PCDHGA8: variants seen among roughly 807,000 people sequenced by gnomAD.
PCDHGA8 encodes protocadherin gamma subfamily A, 8.
In PCDHGA8, 45 loss-of-function variants were observed where a neutral mutation model predicts 59.2. The ratio of observed to expected loss-of-function variants is 0.76; its 90% CI spans 0.60 to 0.98. The LOEUF (loss-of-function observed/expected upper bound fraction) is 0.98, where lower values mean the gene tolerates loss of function less well. PCDHGA8 is among the 50% of genes least tolerant of loss of function. PCDHGA8 has a pLI of 0.00. For missense variants in PCDHGA8, 1,257 were observed against 1,196.2 expected, an observed-to-expected ratio of 1.05 and a Z score of -0.75; for synonymous variants, 531 against 519.0, an observed-to-expected ratio of 1.02 and a Z score of -0.32.
At chr5:141,466,146 T>C (rs977109086) in intron 1 of PCDHGA8, among the ~76,000 whole-genome samples, 5 of 151,880 alleles carry the variant, frequency 3.3e-5, no homozygotes, top group Non-Finnish European at 7.4e-5. Context: ...GTGAAAACTC[T>C]GGTCTTAAAC....
rs552812176 is a variant in PCDHGA8, at chr5:141,497,407, A to G, written c.2483+2542A>G. Among the ~76,000 whole-genome samples, 43 of 152,204 alleles carry G rather than the reference A, an allele frequency of 2.8e-4. No individual in the cohort carries two copies. In the Middle Eastern group the frequency reaches 0.01, roughly 36 times the overall value. The stretch of plus-strand genomic sequence containing the variant: ...GCACCTTACCCCTGCCTCAACTCCC[A>G]TTCCATCAAATGAGAGGCTTAGTGG... On this transcript the variant is annotated intron_variant, in intron 2 of 3. Coordinates refer to ENST00000398604, the MANE Select transcript of PCDHGA8 (RefSeq NM_032088.2).
Position 141,394,457 on chromosome 5 carries a change from G to A in PCDHGA8, c.1644G>A (p.Leu548=), listed in dbSNP as rs375756271. 4 of 1,614,096 alleles carry A rather than the reference G, an allele frequency of 2.5e-6. No homozygotes were observed. The African/African-American group carries it at 4.0e-5, about 16-fold the overall frequency. Residue 548 remains leucine (L), a synonymous_variant, in exon 1 of 4, where the codon CTG becomes CTA. Transcript: ENST00000398604. ...GDPPLSSNMS[L]SLFVLDQNDN... Reference sequence around the variant, plus strand: ...CGCCCCTCAGCAGCAACATGTCACTGAGCCTGTTCGTGCTGGACCAGAATG... The same window carrying A: ...CGCCCCTCAGCAGCAACATGTCACTAAGCCTGTTCGTGCTGGACCAGAATG...
intron 1 of PCDHGA8, among the ~76,000 whole-genome samples, chr5:141,458,065 G>A (rs55848374): frequency 0.098 from 14,910 of 152,232 alleles, 965 homozygotes; most frequent in Non-Finnish European, 0.14. Flanking sequence ...GCACTGATGC[G>A]AACAACTATA....
At chr5:141,404,354 G>C in intron 1 of PCDHGA8, 1 of 1,613,916 alleles carries the variant, frequency 6.2e-7, no homozygotes. Context: ...CAACGCCAGA[G>C]GTACTTCCAT....
chr5:141,403,080 A>G, intron 1 of PCDHGA8: 2 of 1,614,078 alleles, frequency 1.2e-6, no homozygotes, highest in Non-Finnish European at 1.7e-6. Flanking sequence ...GAAAAGGGCT[A>G]TATTGTGGGC....
chr5:141,426,488 T>G, intron 1 of PCDHGA8: 1 of 328,024 alleles, frequency 3.0e-6, no homozygotes, highest in Non-Finnish European at 6.1e-6. Context: ...AACCTTAGAG[T>G]TAGTGCAGAG....
At chr5:141,408,410 G>C (rs1329403051) in intron 1 of PCDHGA8, 1 of 1,613,932 alleles carries the variant, frequency 6.2e-7, no homozygotes, top group African/African-American at 1.3e-5. Flanking sequence ...GCGAGTGAGC[G>C]CGGAGAAGCT....
chr5:141,404,875 C>T, intron 1 of PCDHGA8: 1 of 1,613,904 alleles, frequency 6.2e-7, no homozygotes, highest in Non-Finnish European at 8.5e-7. Flanking sequence ...TCAAACAGAG[C>T]CTTGTGGTGG....
At chr5:141,474,881 C>A (rs2099356099) in intron 1 of PCDHGA8, among the ~76,000 whole-genome samples, 1 of 152,244 alleles carries the variant, frequency 6.6e-6, no homozygotes, top group South Asian at 2.1e-4. Context: ...AGCAGGAACT[C>A]TTAGAGGTTC....
intron 2 of PCDHGA8, among the ~76,000 whole-genome samples, chr5:141,495,678 C>T (rs1340336428): frequency 6.6e-6 from 1 of 152,180 alleles, no homozygotes; most frequent in African/African-American, 2.4e-5. Context: ...CTGTGCCTGC[C>T]ATGGCATAAG....
intron 1 of PCDHGA8, chr5:141,479,417 T>A (rs2099495481): frequency 6.6e-6 from 1 of 152,210 alleles, no homozygotes; most frequent in Non-Finnish European, 1.5e-5. Context: ...ACTATGCTGA[T>A]CAATTGATCA....
At chr5:141,478,567 C>A in intron 1 of PCDHGA8, 1 of 1,593,812 alleles carries the variant, frequency 6.3e-7, no homozygotes, top group Non-Finnish European at 8.6e-7. Flanking sequence ...GCAAGTCATG[C>A]TTGACCCTGT....
chr5:141,409,295 G>A, intron 1 of PCDHGA8: 1 of 1,613,992 alleles, frequency 6.2e-7, no homozygotes, highest in Non-Finnish European at 8.5e-7. Context: ...TCCAGGAATG[G>A]TTGTTGCCCT....
At chr5:141,409,792 C>T in intron 1 of PCDHGA8, 1 of 1,612,068 alleles carries the variant, frequency 6.2e-7, no homozygotes, top group African/African-American at 1.3e-5. Flanking sequence ...CCTTCGCGCT[C>T]ACGCTGCAGG....
At chr5:141,413,650 C>T (rs1384444202) in intron 1 of PCDHGA8, 2 of 1,613,714 alleles carry the variant, frequency 1.2e-6, no homozygotes, top group Non-Finnish European at 1.7e-6. Flanking sequence ...TTTTCCTCTC[C>T]CGGAAGCTAT....
chr5:141,423,149 A>G (rs763488632), intron 1 of PCDHGA8: 2 of 1,613,554 alleles, frequency 1.2e-6, no homozygotes, highest in Non-Finnish European at 8.5e-7. Context: ...GCGCTCAAGC[A>G]GAGCCTCGTG....
rs2092571814 is a variant in PCDHGA8 at position 141,392,654 on chromosome 5, A to G, written c.-160A>G. The G allele has an allele frequency of 1.4e-6, 1 of 734,690 alleles. No homozygotes were observed. The highest frequency in any genetic ancestry group is 3.4e-5 in the Admixed American group (1 of 29,652). The allele number at this position is 734,690 out of a possible 1,614,324, so 45.5% of individuals were successfully genotyped here. On this transcript the variant is annotated 5_prime_UTR_variant, in exon 1 of 4. It removes an upstream start codon present in the reference 5' UTR. Coordinates refer to ENST00000398604, the MANE Select transcript of PCDHGA8 (RefSeq NM_032088.2). ...TCTCACACCTCACGAAGACCCGCAG[A>G]TGCCACAAACTAACTGCTGGACTGC...
chr5:141,493,289 C>T lies in PCDHGA8; in HGVS notation c.2425-1518C>T, dbSNP rs925045650. 2.6e-5 allele frequency among the ~76,000 whole-genome samples: 4 copies of T among 152,176 alleles called. No individual in the cohort carries two copies. Among genetic ancestry groups the T allele is most frequent in the Non-Finnish European group, 5.9e-5 (4 of 68,030 alleles). On this transcript the variant is annotated intron_variant, in intron 1 of 3. Coordinates refer to ENST00000398604, the MANE Select transcript of PCDHGA8 (RefSeq NM_032088.2). The surrounding 1 kb of genome is among the most constrained non-coding windows in gnomAD (Gnocchi z 4.3). ...CTTCACAGAGGTCAAGTGACTTGCT[C>T]AAGTTCACAGAGCAAGTAAGAGAGA...
chr5:141,428,443 G>T (rs1004000862), intron 1 of PCDHGA8: 5 of 383,870 alleles, frequency 1.3e-5, no homozygotes, highest in Non-Finnish European at 2.0e-5. Context: ...TAGACCAGGG[G>T]TTTTTCCCAA....
Sources: allele counts gnomAD v4.1 joint callset (sites outside exome capture counted in the v4.1 genomes callset), GRCh38; gene constraint gnomAD v4.1.1; non-coding constraint Gnocchi (gnomAD v3.1); transcripts MANE v1.5; gene names NCBI Gene and HGNC (gene_info 2026-07-23, HGNC 2026-07-21).